Variants in NOL4 observed in about 807,000 individuals in gnomAD.
NOL4 encodes nucleolar protein 4.
A neutral mutation model predicts 75.9 loss-of-function variants in NOL4; 17 were observed. That is an observed-to-expected ratio of 0.22 (90% CI 0.15 to 0.34). The LOEUF is 0.34. NOL4 is among the 10% of genes least tolerant of loss of function. The pLI, the probability that NOL4 is intolerant of heterozygous loss-of-function variation, is 1.00. For synonymous variants in NOL4, 292 were observed against 289.9 expected, an observed-to-expected ratio of 1.01 and a Z score of -0.07; for missense variants, 614 against 793.5, an observed-to-expected ratio of 0.77 and a Z score of 2.72.
At chr18:34,089,009 A>G (rs746544762) in intron 5 of NOL4, among the ~76,000 whole-genome samples, 24 of 152,086 alleles carry the variant, frequency 1.6e-4, no homozygotes, top group Non-Finnish European at 2.9e-4. Context: ...GTGTATACAT[A>G]TCTATATATC....
intron 6 of NOL4, among the ~76,000 whole-genome samples, chr18:33,971,094 G>C (rs2071019122): frequency 6.6e-6 from 1 of 152,138 alleles, no homozygotes; most frequent in Non-Finnish European, 1.5e-5. Flanking sequence ...ATAATAATTG[G>C]AAGAACGTGA....
intron 5 of NOL4, among the ~76,000 whole-genome samples, chr18:34,048,984 G>A (rs545232109): frequency 6.6e-6 from 1 of 151,750 alleles, no homozygotes; most frequent in African/African-American, 2.4e-5. Context: ...ACAATGAGTT[G>A]AGAATGGCAC....
rs1015673268 is a variant in NOL4 at position 34,069,959 on chromosome 18, T to C, written c.772+23506A>G. 5.9e-5 allele frequency among the ~76,000 whole-genome samples: 9 copies of C among 152,236 alleles called. No individual in the cohort carries two copies. In the South Asian group the frequency reaches 6.2e-4, roughly 10 times the overall value. Reference sequence around the variant, plus strand: ...CACTAATCATATAAGATACCCCAGTTCTAGGTAGCCCACCTCCAGCTTCGC... The same window carrying C: ...CACTAATCATATAAGATACCCCAGTCCTAGGTAGCCCACCTCCAGCTTCGC... On this transcript the variant is annotated intron_variant, in intron 5 of 10. Coordinates refer to ENST00000261592, the MANE Select transcript of NOL4 (RefSeq NM_003787.5).
chr18:34,189,735 T>C (rs1342279635), intron 1 of NOL4, among the ~76,000 whole-genome samples: 1 of 152,144 alleles, frequency 6.6e-6, no homozygotes, highest in African/African-American at 2.4e-5. Context: ...CATTTTAAAC[T>C]GAGTTCAAAA....
chr18:34,182,299 T>C (rs1362041969), intron 1 of NOL4, among the ~76,000 whole-genome samples: 1 of 151,524 alleles, frequency 6.6e-6, no homozygotes, highest in African/African-American at 2.4e-5. Context: ...AGAAAACAGA[T>C]AGGAAGTTCC....
intron 5 of NOL4, among the ~76,000 whole-genome samples, chr18:34,041,013 C>A (rs1007141078): frequency 1.8e-4 from 27 of 151,792 alleles, no homozygotes; most frequent in Admixed American, 1.6e-3. Flanking sequence ...GATGAAAAAA[C>A]GTAATGAAAA....
chr18:34,141,204 A>G (rs2081141118), intron 1 of NOL4, among the ~76,000 whole-genome samples: 1 of 152,230 alleles, frequency 6.6e-6, no homozygotes, highest in Non-Finnish European at 1.5e-5. Flanking sequence ...AAATGGAAGA[A>G]CATTCCATGC....
rs199707766 is a variant in NOL4 at position 34,134,447 on chromosome 18, G to GAC, written c.265-4429_265-4428dup. ...ATGGACCCAATAAGAGACTCCAAGT[G>GAC]ACACACACACACACACACACACACA... On this transcript the variant is annotated intron_variant, in intron 1 of 10. Transcript: ENST00000261592. 2.8e-3 allele frequency among the ~76,000 whole-genome samples: 380 copies of GAC among 134,228 alleles called. 2 individuals are homozygous for GAC. The highest frequency in any genetic ancestry group is 3.1e-3 in the Non-Finnish European group (194 of 62,676). 88.1% of individuals were successfully genotyped at this position (134,228 alleles called of 152,430 possible).
intron 10 of NOL4, among the ~76,000 whole-genome samples, chr18:33,859,937 G>A (rs1032122224): frequency 6.6e-6 from 1 of 151,916 alleles, no homozygotes; most frequent in African/African-American, 2.4e-5. Flanking sequence ...TAAATAAAAT[G>A]AAAATAAATA....
intron 1 of NOL4, among the ~76,000 whole-genome samples, chr18:34,208,819 G>A (rs770557924): frequency 1.2e-4 from 18 of 152,000 alleles, no homozygotes; most frequent in African/African-American, 2.7e-4. Context: ...CCGAGATTGC[G>A]CCACTGCACT....
At chr18:34,051,466 A>C (rs1447171242) in intron 5 of NOL4, among the ~76,000 whole-genome samples, 1 of 152,152 alleles carries the variant, frequency 6.6e-6, no homozygotes, top group African/African-American at 2.4e-5. Context: ...TTGCTAAACA[A>C]TAAGTAAACA....
intron 5 of NOL4, among the ~76,000 whole-genome samples, chr18:34,034,163 T>C (rs1301172766): frequency 6.6e-6 from 1 of 151,946 alleles, no homozygotes; most frequent in South Asian, 2.1e-4. Flanking sequence ...ATGATAACAC[T>C]ACAGAAAACC....
At chr18:34,215,177 A>C (rs1407123549) in intron 1 of NOL4, among the ~76,000 whole-genome samples, 2 of 152,196 alleles carry the variant, frequency 1.3e-5, no homozygotes, top group Non-Finnish European at 2.9e-5. Flanking sequence ...TTTTATCACA[A>C]TTAAAACACA....
At chr18:34,168,389 A>G (rs1445665277) in intron 1 of NOL4, among the ~76,000 whole-genome samples, 1 of 151,702 alleles carries the variant, frequency 6.6e-6, no homozygotes, top group Non-Finnish European at 1.5e-5. Flanking sequence ...AAATTAAGAA[A>G]TTTTACCATT....
chr18:34,176,260 G>A (rs1024038827), intron 1 of NOL4, among the ~76,000 whole-genome samples: 14 of 151,972 alleles, frequency 9.2e-5, no homozygotes, highest in Middle Eastern at 3.2e-3. Flanking sequence ...TGAGCATGAA[G>A]TCAAGTGATA....
At chr18:33,875,577 A>G (rs2063896297) in intron 10 of NOL4, among the ~76,000 whole-genome samples, 1 of 152,002 alleles carries the variant, frequency 6.6e-6, no homozygotes, top group Admixed American at 6.6e-5. Context: ...CCATAAACTG[A>G]TGAATGAACT....
At chr18:34,163,660 A>G (rs2031879905) in intron 1 of NOL4, among the ~76,000 whole-genome samples, 1 of 152,210 alleles carries the variant, frequency 6.6e-6, no homozygotes, top group African/African-American at 2.4e-5. Flanking sequence ...AAATGGCTAT[A>G]CTGCCCAAGG....
At chr18:34,218,202 G>A (rs1164488199) in intron 1 of NOL4, among the ~76,000 whole-genome samples, 1 of 151,866 alleles carries the variant, frequency 6.6e-6, no homozygotes, top group African/African-American at 2.4e-5. Context: ...GTCCTTGAAA[G>A]TTCTCCTGCC....
intron 5 of NOL4, among the ~76,000 whole-genome samples, chr18:34,061,971 T>C (rs996373668): frequency 1.3e-5 from 2 of 152,070 alleles, no homozygotes; most frequent in African/African-American, 4.8e-5. Flanking sequence ...AACTGTGTAT[T>C]ATTCAGAATG....
Sources: gnomAD v4.1 joint callset for allele counts (sites outside exome capture counted in the v4.1 genomes callset) on GRCh38, gnomAD v4.1.1 for gene constraint, MANE v1.5 for transcripts, NCBI Gene and HGNC (gene_info 2026-07-23, HGNC 2026-07-21) for gene names.